DCAF10: variants seen among roughly 807,000 people sequenced by gnomAD.
The protein encoded by DCAF10 is DDB1 and CUL4 associated factor 10.
DCAF10 carries 19 observed loss-of-function variants against 51.9 expected under a neutral mutation model. That is an observed-to-expected ratio of 0.37 (90% confidence interval 0.26 to 0.54). The LOEUF (loss-of-function observed/expected upper bound fraction) is 0.54, where lower values mean the gene tolerates loss of function less well. DCAF10 is among the 20% of genes least tolerant of loss of function. DCAF10 has a pLI of 0.87. For synonymous variants in DCAF10, 291 were observed against 297.1 expected (o/e 0.98, Z 0.21); for missense variants, 510 against 730.6 (o/e 0.70, Z 3.48).
At chr9:37,823,757 T>TA (rs1235941794) in intron 2 of DCAF10, among the ~76,000 whole-genome samples, 1 of 152,170 alleles carries the variant, frequency 6.6e-6, no homozygotes, top group East Asian at 1.9e-4. Context: ...TTTAACCCAG[T>TA]ATGTCCAAAA....
At chr9:37,818,049 GT>G (rs1829595591) in intron 1 of DCAF10, among the ~76,000 whole-genome samples, 1 of 151,780 alleles carries the variant, frequency 6.6e-6, no homozygotes, top group Admixed American at 6.6e-5. Context: ...CTGGAGTGCA[GT>G]AGCGTGATCT....
At chr9:37,828,834 A>G (rs1829928849) in intron 2 of DCAF10, among the ~76,000 whole-genome samples, 1 of 152,228 alleles carries the variant, frequency 6.6e-6, no homozygotes, top group Non-Finnish European at 1.5e-5. Flanking sequence ...ACTTCACACC[A>G]TAAGTGAAAA....
chr9:37,841,880 A>G (rs1348062942), intron 2 of DCAF10, among the ~76,000 whole-genome samples: 1 of 152,236 alleles, frequency 6.6e-6, no homozygotes, highest in Non-Finnish European at 1.5e-5. Flanking sequence ...TCCAATTGCA[A>G]TATGACTGTC....
chr9:37,823,474 T>C (rs894277038), intron 2 of DCAF10, among the ~76,000 whole-genome samples: 13 of 152,184 alleles, frequency 8.5e-5, no homozygotes, highest in Admixed American at 8.5e-4. Flanking sequence ...ATATCTTCAA[T>C]ATGAAGGTAA....
chr9:37,851,210 C>G (rs1188108165), intron 3 of DCAF10, among the ~76,000 whole-genome samples: 1 of 151,792 alleles, frequency 6.6e-6, no homozygotes, highest in African/African-American at 2.4e-5. Flanking sequence ...TGCCACTGCA[C>G]TCCAGCTTGA....
chr9:37,825,421 A>G (rs1282913062), intron 2 of DCAF10, among the ~76,000 whole-genome samples: 5 of 152,252 alleles, frequency 3.3e-5, no homozygotes, highest in Admixed American at 3.3e-4. Flanking sequence ...TGTCCTTTGC[A>G]GGAACATGGG....
intron 3 of DCAF10, among the ~76,000 whole-genome samples, chr9:37,845,607 C>T (rs1344241314): frequency 6.6e-6 from 1 of 152,202 alleles, no homozygotes; most frequent in Non-Finnish European, 1.5e-5. Flanking sequence ...TGAACTTCTT[C>T]CATACCAATT....
chr9:37,837,385 G>A (rs1830197106), intron 2 of DCAF10, among the ~76,000 whole-genome samples: 1 of 151,460 alleles, frequency 6.6e-6, no homozygotes, highest in South Asian at 2.1e-4. Flanking sequence ...CTTGAACCTG[G>A]GAGATGGAGG....
In DCAF10 at chr9:37,836,026, G is replaced by A. The variant is rs1168297484; in HGVS notation, c.654-6063G>A. 2.4e-5 allele frequency: 25 copies of A among 1,035,864 alleles called. 1 individual carries two copies. Among genetic ancestry groups the A allele is most frequent in the Non-Finnish European group, 1.4e-5 (9 of 655,970 alleles). The allele number at this position is 1,035,864 out of a possible 1,614,324, so 64.2% of individuals were successfully genotyped here. On this transcript the variant is annotated intron_variant, in intron 2 of 6. Coordinates refer to ENST00000377724, the MANE Select transcript of DCAF10 (RefSeq NM_024345.5). Reference sequence around the variant, plus strand: ...GAGGCGCCGGCACACGGCCCCAAACGCCGTCCGCGCCGCCACGGTAAGGCT... The same window carrying A: ...GAGGCGCCGGCACACGGCCCCAAACACCGTCCGCGCCGCCACGGTAAGGCT...
In DCAF10 at chr9:37,861,237, T is replaced by C. The variant is rs1247738131; in HGVS notation, c.1409T>C (p.Val470Ala). 3 of 1,614,028 alleles carry C rather than the reference T, an allele frequency of 1.9e-6. No homozygotes were observed. The highest frequency in any genetic ancestry group is 2.5e-6 in the Non-Finnish European group (3 of 1,180,002). ...RLTHYIEEAN[V>A]GRGYIKELCF... ...ACTCATTACATTGAAGAAGCCAATG[T>C]AGGCAGGGGTTACATCAAAGAACTT... Residue 470 changes from valine (V) to alanine (A), a missense_variant, in exon 7 of 7, where the codon GTA (valine) becomes GCA (alanine). This residue lies in a region of DCAF10 where 104 missense variants were observed against 206.2 expected (regional missense o/e 0.50). Coordinates refer to ENST00000377724, the MANE Select transcript of DCAF10 (RefSeq NM_024345.5). This position sits in a 1 kb window ranked among gnomAD's most constrained non-coding sequence, Gnocchi z 4.9.
At chr9:37,851,784 T>C (rs945417338) in intron 3 of DCAF10, among the ~76,000 whole-genome samples, 1 of 139,464 alleles carries the variant, frequency 7.2e-6, no homozygotes, top group Non-Finnish European at 1.5e-5. Flanking sequence ...TAAGACTCTG[T>C]CTCAAAATAA....
chr9:37,844,212 C>T (rs1448199863), intron 3 of DCAF10, among the ~76,000 whole-genome samples: 1 of 152,206 alleles, frequency 6.6e-6, no homozygotes, highest in Non-Finnish European at 1.5e-5. Flanking sequence ...CTCTCATTTA[C>T]TTATCTAGAT....
intron 2 of DCAF10, among the ~76,000 whole-genome samples, chr9:37,831,462 G>GT (rs1438811982): frequency 6.6e-6 from 1 of 152,120 alleles, no homozygotes; most frequent in Admixed American, 6.5e-5. Context: ...CTTAGATATA[G>GT]TAAGTGGTGG....
upstream of DCAF10, chr9:37,800,690 C>A: frequency 6.5e-7 from 1 of 1,536,062 alleles, no homozygotes; most frequent in Non-Finnish European, 8.7e-7. Flanking sequence ...ACTGCGGCGC[C>A]CCAAACCCGG....
Position 37,842,262 on chromosome 9 carries a change from A to G in DCAF10, c.827A>G (p.Asn276Ser). 1 of 1,613,606 alleles carries G rather than the reference A, an allele frequency of 6.2e-7. No homozygotes were observed. The highest frequency in any genetic ancestry group is 8.5e-7 in the Non-Finnish European group (1 of 1,179,828). The change falls in exon 3 of 7, where the codon AAT (asparagine) becomes AGT (serine). Residue 276 changes from asparagine to serine, a missense_variant. Transcript: ENST00000377724. Reference protein sequence around the residue: ...RLLVTSGFDGNVIIWDTNRYT... With the variant: ...RLLVTSGFDGSVIIWDTNRYT... ...TTAGTAACATCAGGATTTGATGGAA[A>G]TGTCATTATTTGGGACACTAACAGG...
rs1186788981 is a variant in DCAF10 at position 37,864,599 on chromosome 9, A to T, written c.*3091A>T. On this transcript the variant is annotated 3_prime_UTR_variant, in exon 7 of 7. Coordinates refer to ENST00000377724, the MANE Select transcript of DCAF10 (RefSeq NM_024345.5). The stretch of plus-strand genomic sequence containing the variant: ...ACTCTGCCTCAAAAAAAAAAAAAAA[A>T]ATAAAATAAAATAAAATTAGTTTTG... 2 of 151,082 alleles carry T rather than the reference A, an allele frequency of 1.3e-5. No homozygotes were observed. Among genetic ancestry groups the T allele is most frequent in the African/African-American group, 4.9e-5 (2 of 41,062 alleles). The allele number at this position is 151,082 out of a possible 1,614,324, so 9.4% of individuals were successfully genotyped here. A position where few individuals can be genotyped will look rare whatever the true frequency, so the allele number is the denominator to read the frequency against.
At chr9:37,854,753 A>G in intron 3 of DCAF10, 27 bp from the exon 4 acceptor site, 6 of 1,592,350 alleles carry the variant, frequency 3.8e-6, no homozygotes, top group Non-Finnish European at 5.1e-6. Flanking sequence ...ATAACTCTAG[A>G]TTTTGTTGGC....
chr9:37,804,235 C>T (rs1220056209), intron 1 of DCAF10, among the ~76,000 whole-genome samples: 1 of 131,768 alleles, frequency 7.6e-6, no homozygotes, highest in Non-Finnish European at 1.7e-5. Context: ...TATAGTTAGC[C>T]AGAGTTCCTA....
In DCAF10 at chr9:37,829,767, G is replaced by A. The variant is rs1276753897; in HGVS notation, c.653+10366G>A. On this transcript the variant is annotated intron_variant, in intron 2 of 6. Coordinates refer to ENST00000377724, the MANE Select transcript of DCAF10 (RefSeq NM_024345.5). This position sits in a 1 kb window ranked among gnomAD's most constrained non-coding sequence, Gnocchi z 4.2. ...CATACCTGTAATCCCAGCATTTTGGGAGGCTGAGGTGGGACAATCACTGGA... is the reference window on the plus strand; with the variant it reads ...CATACCTGTAATCCCAGCATTTTGGAAGGCTGAGGTGGGACAATCACTGGA... Among the ~76,000 whole-genome samples the A allele has an allele frequency of 2.0e-5, 3 of 152,152 alleles. No individual in the cohort carries two copies. The highest frequency in any genetic ancestry group is 1.3e-4 in the Admixed American group (2 of 15,274).
Sources: gnomAD v4.1 joint callset for allele counts (sites outside exome capture counted in the v4.1 genomes callset) on GRCh38, gnomAD v4.1.1 for gene constraint, gnomAD v4.1.1 regional missense constraint, Gnocchi (gnomAD v3.1) non-coding constraint, MANE v1.5 for transcripts, NCBI Gene and HGNC (gene_info 2026-07-23, HGNC 2026-07-21) for gene names.